The following DLG2 variants were observed in gnomAD, a reference collection of about 807,000 sequenced individuals.
The protein encoded by DLG2 is discs large MAGUK scaffold protein 2.
Under a neutral mutation model 132.5 loss-of-function variants are expected in DLG2, and 45 were observed. The ratio of observed to expected loss-of-function variants is 0.34; its 90% CI spans 0.27 to 0.44. The LOEUF (loss-of-function observed/expected upper bound fraction) is 0.44. DLG2 is among the 20% of genes least tolerant of loss of function. The pLI is 1.00. For synonymous variants in DLG2, 424 were observed against 419.6 expected (o/e 1.01, Z -0.13); for missense variants, 1,045 against 1,196.9 (o/e 0.87, Z 1.87).
At chr11:84,195,280 C>T (rs61899171) in intron 8 of DLG2, among the ~76,000 whole-genome samples, 6,671 of 152,276 alleles carry the variant, frequency 0.044, 313 homozygotes, top group East Asian at 0.25. Context: ...TCCCCTGCCT[C>T]GGCCTCCTGA....
intron 6 of DLG2, among the ~76,000 whole-genome samples, chr11:85,013,353 A>G (rs2059310762): frequency 6.6e-6 from 1 of 152,156 alleles, no homozygotes; most frequent in Non-Finnish European, 1.5e-5. Flanking sequence ...TAACATTAAG[A>G]CTTCTGGTTG....
chr11:85,095,754 C>T (rs1303263548), intron 6 of DLG2, among the ~76,000 whole-genome samples: 1 of 152,236 alleles, frequency 6.6e-6, no homozygotes, highest in Non-Finnish European at 1.5e-5. Context: ...CACTTCTGCA[C>T]ACAGTTTCAT....
chr11:85,539,877 A>G (rs751333569), intron 3 of DLG2, among the ~76,000 whole-genome samples: 10 of 152,246 alleles, frequency 6.6e-5, no homozygotes, highest in Non-Finnish European at 1.3e-4. Flanking sequence ...TAGAGCCAGG[A>G]GGCCATTTCA....
intron 3 of DLG2, among the ~76,000 whole-genome samples, chr11:85,408,665 C>A (rs972179312): frequency 1.3e-5 from 2 of 150,464 alleles, no homozygotes; most frequent in African/African-American, 2.4e-5. Context: ...TTTGTTCTTG[C>A]GATAGTTTAC....
At chr11:84,919,155 C>T (rs2092638523) in intron 6 of DLG2, among the ~76,000 whole-genome samples, 1 of 152,070 alleles carries the variant, frequency 6.6e-6, no homozygotes, top group South Asian at 2.1e-4. Context: ...CTTACTGCTA[C>T]TTGGTGGTCT....
chr11:84,383,216 A>G (rs1189520511), intron 7 of DLG2, among the ~76,000 whole-genome samples: 1 of 151,958 alleles, frequency 6.6e-6, no homozygotes, highest in Non-Finnish European at 1.5e-5. Flanking sequence ...TTTTCCTATT[A>G]TCTACTCATA....
intron 3 of DLG2, among the ~76,000 whole-genome samples, chr11:85,294,770 G>A (rs918290817): frequency 6.6e-6 from 1 of 152,208 alleles, no homozygotes; most frequent in Middle Eastern, 3.4e-3. Flanking sequence ...AGAGTCAAGG[G>A]TGCAGACACT....
intron 6 of DLG2, among the ~76,000 whole-genome samples, chr11:84,669,546 G>C (rs1287064640): frequency 6.6e-6 from 1 of 152,090 alleles, no homozygotes; most frequent in African/African-American, 2.4e-5. Flanking sequence ...TTTTGACAAA[G>C]TGTTAGCATC....
At chr11:83,461,942 G>T in intron 27 of DLG2, 60 bp downstream of exon 27, 1 of 1,185,490 alleles carries the variant, frequency 8.4e-7, no homozygotes, top group Non-Finnish European at 1.3e-6. Flanking sequence ...AACCCTCTCT[G>T]TGCCAAATGT....
At chr11:84,887,206 T>G (rs1433324030) in intron 6 of DLG2, 1 of 152,114 alleles carries the variant, frequency 6.6e-6, no homozygotes, top group Non-Finnish European at 1.5e-5. Flanking sequence ...AGAAAAAATT[T>G]TTAACTTGTT....
chr11:85,394,512 C>A (rs776654349), intron 3 of DLG2, among the ~76,000 whole-genome samples: 4 of 152,190 alleles, frequency 2.6e-5, no homozygotes, highest in Non-Finnish European at 4.4e-5. Flanking sequence ...GGCCCCGACC[C>A]TGCCAAAACA....
intron 14 of DLG2, among the ~76,000 whole-genome samples, chr11:83,939,383 T>A (rs1039789525): frequency 6.6e-6 from 1 of 152,146 alleles, no homozygotes; most frequent in Non-Finnish European, 1.5e-5. Flanking sequence ...ACTCCCCACA[T>A]CTTCATATTC....
intron 6 of DLG2, among the ~76,000 whole-genome samples, chr11:85,020,078 C>G (rs918523169): frequency 8.5e-5 from 13 of 152,146 alleles, no homozygotes; most frequent in Non-Finnish European, 1.6e-4. Flanking sequence ...GTTTACAGCC[C>G]CACCAACAGT....
chr11:83,923,408 C>A (rs1004391111), intron 15 of DLG2, among the ~76,000 whole-genome samples: 1 of 152,106 alleles, frequency 6.6e-6, no homozygotes, highest in African/African-American at 2.4e-5. Context: ...CTAAAATGCA[C>A]ATGATTAGTA....
In DLG2 at chr11:83,760,199, C is replaced by T. The variant is rs190237629; in HGVS notation, c.1825+26491G>A. Among the ~76,000 whole-genome samples the T allele has an allele frequency of 1.8e-3, 276 of 152,276 alleles. 5 individuals carry two copies. The highest frequency in any genetic ancestry group is 6.1e-3 in the African/African-American group (252 of 41,528). On this transcript the variant is annotated intron_variant, in intron 18 of 27. Coordinates refer to ENST00000376104, the MANE Select transcript of DLG2 (RefSeq NM_001142699.3). ...TTGACATGCTCAGTTCATTAAAAGC[C>T]TTTCACCTGGTGGGCAGAAATTGTC...
intron 6 of DLG2, among the ~76,000 whole-genome samples, chr11:84,573,942 ATAGAATATGT>A (rs1446440664): frequency 6.6e-6 from 1 of 152,234 alleles, no homozygotes; most frequent in Non-Finnish European, 1.5e-5. Flanking sequence ...TGAGAGATTC[ATAGAATATGT>A]TAGCCTGAAA....
At chr11:84,632,610 C>T (rs1213137056) in intron 6 of DLG2, among the ~76,000 whole-genome samples, 1 of 152,202 alleles carries the variant, frequency 6.6e-6, no homozygotes, top group East Asian at 1.9e-4. Flanking sequence ...AGAGTTCCAA[C>T]TTCCACTAAG....
chr11:84,163,786 C>T (rs2095600748), intron 8 of DLG2, among the ~76,000 whole-genome samples: 1 of 152,064 alleles, frequency 6.6e-6, no homozygotes, highest in Non-Finnish European at 1.5e-5. Context: ...ACACAAAATA[C>T]ATATTGTGAG....
chr11:84,609,756 A>C (rs1435185618), intron 6 of DLG2, among the ~76,000 whole-genome samples: 1 of 152,150 alleles, frequency 6.6e-6, no homozygotes, highest in Admixed American at 6.5e-5. Flanking sequence ...ATGTTGAGTG[A>C]ATTAGCCAAA....
Sources: allele counts gnomAD v4.1 joint callset (sites outside exome capture counted in the v4.1 genomes callset), GRCh38; gene constraint gnomAD v4.1.1; transcripts MANE v1.5; gene names NCBI Gene and HGNC (gene_info 2026-07-23, HGNC 2026-07-21).